The following PGLYRP3 variants were observed in gnomAD, a reference collection of about 807,000 sequenced individuals.
PGLYRP3 encodes peptidoglycan recognition protein I alpha.
Under a neutral mutation model 36.0 loss-of-function variants are expected in PGLYRP3, and 39 were observed. The observed-to-expected ratio is 1.08, with a 90% CI of 0.84 to 1.41. The LOEUF is 1.41. Ranked by LOEUF, PGLYRP3 falls within the 40% of genes most tolerant of loss-of-function variation. The probability of loss-of-function intolerance (pLI) is 0.00; values close to 1 mark genes in which losing one functional copy is unlikely to be tolerated. For synonymous variants in PGLYRP3, 204 were observed against 172.8 expected, an observed-to-expected ratio of 1.18 and a Z score of -1.42; for missense variants, 407 against 427.9, an observed-to-expected ratio of 0.95 and a Z score of 0.43.
intron 5 of PGLYRP3, among the ~76,000 whole-genome samples, chr1:153,303,376 C>T (rs1659650189): frequency 6.6e-6 from 1 of 152,204 alleles, no homozygotes; most frequent in Non-Finnish European, 1.5e-5. Context: ...CTTCGTGTCC[C>T]CACATAATAG....
At chr1:153,308,285 C>T (rs1190752307) in intron 2 of PGLYRP3, among the ~76,000 whole-genome samples, 1 of 152,128 alleles carries the variant, frequency 6.6e-6, no homozygotes, top group Admixed American at 6.5e-5. Flanking sequence ...TGAGCCACCG[C>T]GCCCAGCCTC....
intron 6 of PGLYRP3, among the ~76,000 whole-genome samples, chr1:153,299,964 G>T (rs1571099510): frequency 6.6e-6 from 1 of 152,286 alleles, no homozygotes; most frequent in Middle Eastern, 3.4e-3. Flanking sequence ...TTCCTGCCCA[G>T]AGTTTTGCCT....
At chr1:153,299,947 C>T (rs1659544445) in intron 6 of PGLYRP3, among the ~76,000 whole-genome samples, 1 of 152,228 alleles carries the variant, frequency 6.6e-6, no homozygotes. Context: ...TGGATCACTG[C>T]AATAGCTTCC....
intron 6 of PGLYRP3, 31 bp downstream of exon 6, chr1:153,302,378 A>G (rs746384105): frequency 6.2e-7 from 1 of 1,606,712 alleles, no homozygotes; most frequent in Non-Finnish European, 8.5e-7. Flanking sequence ...CTGAAGAAAA[A>G]GAGGGTTCTT....
At chr1:153,298,239 CA>C in intron 7 of PGLYRP3, 105 bp from the exon 8 acceptor site, 2 of 1,252,830 alleles carry the variant, frequency 1.6e-6, no homozygotes, top group Non-Finnish European at 2.2e-6. Flanking sequence ...CACCACGCCC[CA>C]TTCCGCCATC....
intron 1 of PGLYRP3, among the ~76,000 whole-genome samples, chr1:153,310,936 G>A (rs1263548726): frequency 6.6e-6 from 1 of 152,140 alleles, no homozygotes; most frequent in Non-Finnish European, 1.5e-5. Context: ...GTTGCCCTGG[G>A]CAACTCCTGG....
rs114034969 is a variant in PGLYRP3 at position 153,310,163 on chromosome 1, G to T, written c.55+448C>A. Among the ~76,000 whole-genome samples the T allele has an allele frequency of 6.7e-3, 1,024 of 152,252 alleles. 7 individuals carry two copies. Among genetic ancestry groups the T allele is most frequent in the Non-Finnish European group, 9.3e-3 (635 of 68,008 alleles). On this transcript the variant is annotated intron_variant, in intron 2 of 7. Coordinates refer to ENST00000683862, the MANE Select transcript of PGLYRP3 (RefSeq NM_052891.3). The stretch of plus-strand genomic sequence containing the variant: ...GAAATCTTCTTAATCTAGAGAAACG[G>T]CATTGCTACTCTTGGGGAATTTGCT...
chr1:153,310,020 T>C (rs1052274304), intron 2 of PGLYRP3, among the ~76,000 whole-genome samples: 3 of 152,218 alleles, frequency 2.0e-5, no homozygotes, highest in African/African-American at 7.2e-5. Context: ...TCTGTGTATG[T>C]AAAACAAACT....
intron 2 of PGLYRP3, among the ~76,000 whole-genome samples, chr1:153,308,915 G>A (rs1334718193): frequency 6.6e-6 from 1 of 152,104 alleles, no homozygotes; most frequent in Non-Finnish European, 1.5e-5. Context: ...ACCTTTCCTG[G>A]TTCACCGGCA....
intron 2 of PGLYRP3, 125 bp downstream of exon 2, chr1:153,310,486 A>G: frequency 3.1e-6 from 3 of 979,814 alleles, no homozygotes; most frequent in Non-Finnish European, 4.8e-6. Context: ...ACAGGGCTCC[A>G]AATTGCAAAG....
rs1462913156 is a variant in PGLYRP3 at position 153,297,338 on chromosome 1, G to A, written c.*618C>T. On this transcript the variant is annotated 3_prime_UTR_variant, in exon 8 of 8. Transcript: ENST00000683862. Reference sequence around the variant, plus strand: ...CATCCAAATATGTACCAGTCCATGTGTGAGCAGAGAGGGGGGGTGGGCACA... The same window carrying A: ...CATCCAAATATGTACCAGTCCATGTATGAGCAGAGAGGGGGGGTGGGCACA... Among the ~76,000 whole-genome samples, 1 of 150,902 alleles carries A rather than the reference G, an allele frequency of 6.6e-6. No individual in the cohort carries two copies. Among genetic ancestry groups the A allele is most frequent in the African/African-American group, 2.4e-5 (1 of 40,844 alleles).
Position 153,297,945 on chromosome 1 carries a change from T to C in PGLYRP3, c.*11A>G. 1 of 1,611,856 alleles carries C rather than the reference T, an allele frequency of 6.2e-7. No homozygotes were observed. Among genetic ancestry groups the C allele is most frequent in the African/African-American group, 1.3e-5 (1 of 74,664 alleles). ...GGAGGGAGGGCAGTCTCAAAGGGAGTGGGGCCTCCTTCAGTGCTTGAAATG... is the reference window on the plus strand; with the variant it reads ...GGAGGGAGGGCAGTCTCAAAGGGAGCGGGGCCTCCTTCAGTGCTTGAAATG... On this transcript the variant is annotated 3_prime_UTR_variant, in exon 8 of 8. Coordinates refer to ENST00000683862, the MANE Select transcript of PGLYRP3 (RefSeq NM_052891.3).
intron 4 of PGLYRP3, 50 bp downstream of exon 4, chr1:153,304,897 G>A (rs777028625): frequency 5.0e-6 from 7 of 1,391,048 alleles, no homozygotes; most frequent in Non-Finnish European, 6.0e-6. Context: ...AGTGGAGGAA[G>A]AGAGTGTACA....
rs1399134843 is a variant in PGLYRP3, at chr1:153,303,838, G to A, written c.529+19C>T. 1 of 1,595,630 alleles carries A rather than the reference G, an allele frequency of 6.3e-7. No homozygotes were observed. Among genetic ancestry groups the A allele is most frequent in the Non-Finnish European group, 8.6e-7 (1 of 1,166,538 alleles). On this transcript the variant is annotated intron_variant, in intron 5 of 7. Coordinates refer to ENST00000683862, the MANE Select transcript of PGLYRP3 (RefSeq NM_052891.3). ...AGGTGGTGACGAGGAGGAGGGTGAG[G>A]TGACATGGAGGGTCTTACCCTTCCT...
Position 153,297,832 on chromosome 1 carries a change from C to T in PGLYRP3, c.*124G>A. 8.6e-7 allele frequency: 1 copy of T among 1,159,434 alleles called. No homozygotes were observed. Among genetic ancestry groups the T allele is most frequent in the East Asian group, 2.4e-5 (1 of 41,320 alleles). 71.8% of individuals were successfully genotyped at this position (1,159,434 alleles called of 1,614,324 possible). A position where few individuals can be genotyped will look rare whatever the true frequency, so the allele number is the denominator to read the frequency against. ...GTTGGCAGGAAAGGACATGACCATT[C>T]AAACCTGAGAAAGGATGGGCTGGCA... On this transcript the variant is annotated 3_prime_UTR_variant, in exon 8 of 8. Transcript: ENST00000683862.
intron 1 of PGLYRP3, among the ~76,000 whole-genome samples, chr1:153,311,380 A>C (rs1438343060): frequency 6.6e-6 from 1 of 152,192 alleles, no homozygotes; most frequent in African/African-American, 2.4e-5. Flanking sequence ...TTATCATCAG[A>C]ACACTGGGCC....
In PGLYRP3 at chr1:153,312,783, T is replaced by C. The variant is rs1417306949; in HGVS notation, c.-182A>G. On this transcript the variant is annotated 5_prime_UTR_variant, in exon 1 of 8. Transcript: ENST00000683862. ...AGCTGGTGCCTCCTCAGGCCTTCAC[T>C]CCCCCTGGCCCTAGAGGGCACTCCC... is the stretch of plus-strand genomic sequence containing the variant. Among the ~76,000 whole-genome samples, 1 of 151,652 alleles carries C rather than the reference T, an allele frequency of 6.6e-6. No individual in the cohort carries two copies. The highest frequency in any genetic ancestry group is 2.4e-5 in the African/African-American group (1 of 41,220).
At chr1:153,309,286 T>C (rs1184500660) in intron 2 of PGLYRP3, among the ~76,000 whole-genome samples, 2 of 152,210 alleles carry the variant, frequency 1.3e-5, no homozygotes, top group Non-Finnish European at 2.9e-5. Context: ...AACAACTTCA[T>C]GAGTTAAGCA....
rs535766745 is a variant in PGLYRP3 at position 153,297,499 on chromosome 1, AAAGGAAGGAAGGAAGGAAGG to A, written c.*437_*456del. Among the ~76,000 whole-genome samples the A allele has an allele frequency of 3.4e-3, 181 of 52,736 alleles. 1 individual carries two copies. The highest frequency in any genetic ancestry group is 0.014 in the African/African-American group (166 of 11,484). The allele number at this position is 52,736 out of a possible 152,430, so 34.6% of individuals were successfully genotyped here. On this transcript the variant is annotated 3_prime_UTR_variant, in exon 8 of 8. Transcript: ENST00000683862. ...GAGTGAGAAAGCAAGAAAGAAGGTG[AAAGGAAGGAAGGAAGGAAGG>A]AAGGAAGGAAGGAAGGAAGGAAGGA... is the stretch of plus-strand genomic sequence containing the variant.
Sources: allele counts gnomAD v4.1 joint callset (sites outside exome capture counted in the v4.1 genomes callset), GRCh38; gene constraint gnomAD v4.1.1; transcripts MANE v1.5; gene names NCBI Gene and HGNC (gene_info 2026-07-23, HGNC 2026-07-21).